The following DUS1L variants were observed in gnomAD, a reference collection of about 807,000 sequenced individuals.
DUS1L encodes the protein tRNA-dihydrouridine(16/17) synthase [NAD(P)(+)]-like.
DUS1L carries 56 observed loss-of-function variants against 61.2 expected under a neutral mutation model. That is an observed-to-expected ratio of 0.92 (90% CI 0.74 to 1.14). The LOEUF is 1.14. Ranked by LOEUF, DUS1L falls within the 50% of genes most tolerant of loss-of-function variation. The pLI is 0.00. For synonymous variants in DUS1L, 278 were observed against 259.5 expected (o/e 1.07, Z -0.69); for missense variants, 630 against 632.4 (o/e 1.00, Z 0.04).
chr17:82,063,270 G>A (rs1376213272), intron 4 of DUS1L, 198 bp downstream of exon 4: 3 of 716,250 alleles, frequency 4.2e-6, no homozygotes, highest in Non-Finnish European at 7.1e-6. Flanking sequence ...TGGTTTTAAG[G>A]GGTGGGTGGT....
At chr17:82,059,927 A>G in intron 11 of DUS1L, 21 bp downstream of exon 11, 1 of 1,613,754 alleles carries the variant, frequency 6.2e-7, no homozygotes, top group Non-Finnish European at 8.5e-7. Context: ...TCTCGGGCCC[A>G]TCAGCGGAAG....
At chr17:82,060,393 T>C (rs534487030) in intron 10 of DUS1L, 159 of 578,676 alleles carry the variant, frequency 2.7e-4, no homozygotes, top group African/African-American at 2.5e-3. Flanking sequence ...GTCAACCTCT[T>C]GACCCACGGG....
At chr17:82,059,136 C>T in intron 11 of DUS1L, 1 of 397,978 alleles carries the variant, frequency 2.5e-6, no homozygotes, top group East Asian at 4.4e-5. Flanking sequence ...TTTTCCTGCC[C>T]ACAGGGTCCA....
chr17:82,064,790 AC>A (rs1437729701), intron 2 of DUS1L, 32 bp downstream of exon 2: 3 of 1,577,648 alleles, frequency 1.9e-6, no homozygotes, highest in African/African-American at 1.4e-5. Flanking sequence ...CGGGAACCCA[AC>A]CGCGGCCGCG....
rs947043781 is a variant in DUS1L, at chr17:82,058,107, G to A, written c.*8C>T. On this transcript the variant is annotated 3_prime_UTR_variant, in exon 14 of 14. Transcript: ENST00000306796. The stretch of plus-strand genomic sequence containing the variant: ...AGCAGCAGTCCTGGGGGTGGGGGTT[G>A]TGGGCCTTCAGGCCAGGGCACTGCC... 6.5e-6 allele frequency: 10 copies of A among 1,536,924 alleles called. No individual in the cohort carries two copies. Among genetic ancestry groups the A allele is most frequent in the Middle Eastern group, 1.9e-4 (1 of 5,234 alleles).
rs1373430962 is a variant in DUS1L, at chr17:82,064,207, C to G, written c.265G>C (p.Val89Leu). Residue 89 changes from valine (V) to leucine (L), a missense_variant, in exon 3 of 14, where the codon GTT (valine) becomes CTT (leucine). By Grantham distance (32) the Val-to-Leu change is conservative. Coordinates refer to ENST00000306796, the MANE Select transcript of DUS1L (RefSeq NM_022156.5). The stretch of plus-strand genomic sequence containing the variant: ...TCCTGAGCCAGGAGAGCCGCCTGAA[C>G]AAACACCTCCGGGTCATTGGCACAG... ...QFCANDPEVF[V>L]QAALLAQDYC... is the part of the protein sequence containing the mutation. 2.5e-6 allele frequency: 4 copies of G among 1,612,360 alleles called. No homozygotes were observed. The highest frequency in any genetic ancestry group is 3.4e-6 in the Non-Finnish European group (4 of 1,179,800).
Position 82,062,874 on chromosome 17 carries a change from T to C in DUS1L, c.497A>G (p.Lys166Arg). ...CCCAGGGCTCACCTGGCAGCCGGCC[T>C]TCTCCAGCATCTGGGCGTACCTCAC... ...KTVRYAQMLE[K>R]AGCQLLTVHG... The change falls in exon 5 of 14, where the codon AAG becomes AGG. Residue 166 changes from lysine (K) to arginine (R), a missense_variant. Transcript: ENST00000306796. The C allele has an allele frequency of 6.2e-7, 1 of 1,612,704 alleles. No homozygotes were observed. Among genetic ancestry groups the C allele is most frequent in the Non-Finnish European group, 8.5e-7 (1 of 1,179,886 alleles).
At position 82,058,224 on chromosome 17, in the gene DUS1L, T is replaced by C; in HGVS notation, c.1313A>G (p.Glu438Gly). Residue 438 changes from glutamate (E) to glycine (G), a missense_variant, in exon 14 of 14, where the codon GAG becomes GGG. Glu to Gly is a moderately conservative substitution (Grantham distance 98, BLOSUM62 -2). Transcript: ENST00000306796. ...GGCCTCTTTCCAGGCCAGAGACTTC[T>C]CCAATTTGGTTTTAAAAAGCAATCC... ...GHGLLFKTKL[E>G]KSLAWKEAQP... 1.3e-6 allele frequency: 2 copies of C among 1,588,554 alleles called. No homozygotes were observed. The highest frequency in any genetic ancestry group is 1.7e-6 in the Non-Finnish European group (2 of 1,162,356).
chr17:82,064,754 G>A (rs544139625), intron 2 of DUS1L, 69 bp downstream of exon 2: 90 of 1,439,308 alleles, frequency 6.3e-5, no homozygotes, highest in South Asian at 3.0e-4. Flanking sequence ...ACAGAGAGAA[G>A]GGTTTTTCCC....
rs779423835 is a variant in DUS1L at position 82,058,604 on chromosome 17, G to T, written c.1206+177C>A. The T allele has an allele frequency of 6.8e-6, 10 of 1,476,448 alleles. No homozygotes were observed. In the Admixed American group the frequency reaches 2.4e-4, roughly 35 times the overall value. 91.5% of individuals were successfully genotyped at this position (1,476,448 alleles called of 1,614,324 possible). A position where few individuals can be genotyped will look rare whatever the true frequency, so the allele number is the denominator to read the frequency against. On this transcript the variant is annotated intron_variant, in intron 12 of 13. Transcript: ENST00000306796. ...CCACCCAGACTCTCTTCCCCTCCAG[G>T]CCTGGGCAGGGGCTTGGCTGGAAGC...
At position 82,059,671 on chromosome 17, in the gene DUS1L, T is replaced by C. The variant is rs2033362256; in HGVS notation, c.1168+277A>G. The stretch of plus-strand genomic sequence containing the variant: ...GGGCAGCCGCAGGGACCCGAGGCCC[T>C]GAGCTGTAGACGAGCTTCACCTGGC... On this transcript the variant is annotated intron_variant, in intron 11 of 13. Coordinates refer to ENST00000306796, the MANE Select transcript of DUS1L (RefSeq NM_022156.5). 11 of 480,612 alleles carry C rather than the reference T, an allele frequency of 2.3e-5. No individual in the cohort carries two copies. In the East Asian group the frequency reaches 3.4e-4, roughly 15 times the overall value. The allele number at this position is 480,612 out of a possible 1,614,324, so 29.8% of individuals were successfully genotyped here. A position where few individuals can be genotyped will look rare whatever the true frequency, so the allele number is the denominator to read the frequency against.
chr17:82,062,525 C>G (rs2033557920), intron 5 of DUS1L, among the ~76,000 whole-genome samples: 1 of 152,258 alleles, frequency 6.6e-6, no homozygotes. Context: ...CTGCTGACAG[C>G]CTGGTGGCCC....
rs1471814331 is a variant in DUS1L, at chr17:82,060,003, G to A, written c.1113C>T (p.Asn371=). 2 of 1,613,858 alleles carry A rather than the reference G, an allele frequency of 1.2e-6. No homozygotes were observed. The highest frequency in any genetic ancestry group is 1.3e-5 in the African/African-American group (1 of 74,912). The change falls in exon 11 of 14, where the codon AAC becomes AAT. Residue 371 remains asparagine, a synonymous_variant. Coordinates refer to ENST00000306796, the MANE Select transcript of DUS1L (RefSeq NM_022156.5). ...GGTTCCTCAGCTGCTTCTTTTGCTTGTTCTTGGACAGGACCTCCGTGCCAC... is the reference window on the plus strand; with the variant it reads ...GGTTCCTCAGCTGCTTCTTTTGCTTATTCTTGGACAGGACCTCCGTGCCAC... ...EEGGTEVLSK[N]KQKKQLRNPH... is the part of the protein sequence containing the mutation.
At chr17:82,064,802 G>C (rs1240511533) in intron 2 of DUS1L, 21 bp downstream of exon 2, 3 of 1,590,654 alleles carry the variant, frequency 1.9e-6, no homozygotes, top group Admixed American at 3.5e-5. Context: ...CGCGGCCGCG[G>C]CCACAGCCCC....
rs1347095807 is a variant in DUS1L, at chr17:82,063,497, T to C, written c.368A>G (p.Gln123Arg). The change falls in exon 4 of 14, where the codon CAG becomes CGG. Residue 123 changes from glutamine (Q) to arginine (R), a missense_variant. By Grantham distance (43) the Gln-to-Arg change is conservative. Transcript: ENST00000306796. Reference sequence around the variant, plus strand: ...TCTTTGGAGCAGGTCCCACTCGTCCTGCAGAAAGGCGCCATAGTGACCTGC... The same window carrying C: ...TCTTTGGAGCAGGTCCCACTCGTCCCGCAGAAAGGCGCCATAGTGACCTGC... The part of the protein sequence containing the change: ...AKRGHYGAFL[Q>R]DEWDLLQRMI... 1 of 1,613,592 alleles carries C rather than the reference T, an allele frequency of 6.2e-7. No individual in the cohort carries two copies. The highest frequency in any genetic ancestry group is 8.5e-7 in the Non-Finnish European group (1 of 1,179,994).
At chr17:82,060,664 G>A (rs760250715) in intron 10 of DUS1L, 37 bp downstream of exon 10, 6 of 1,602,230 alleles carry the variant, frequency 3.7e-6, no homozygotes, top group East Asian at 2.3e-5. Flanking sequence ...CCCACACCTT[G>A]GTGCACATCC....
chr17:82,065,495 C>T (rs897483340), intron 1 of DUS1L, 118 bp downstream of exon 1: 8 of 162,924 alleles, frequency 4.9e-5, no homozygotes, highest in African/African-American at 1.2e-4. Context: ...CCCGGCCAGG[C>T]GGCCCGGCTG....
chr17:82,060,218 T>C (rs1598551826), intron 10 of DUS1L, 125 bp from the exon 11 acceptor site: 1 of 1,290,140 alleles, frequency 7.8e-7, no homozygotes, highest in East Asian at 2.5e-5. Context: ...CTGTGAGGAG[T>C]GCCCTCCTTT....
chr17:82,065,225 C>T (rs1438757576), intron 1 of DUS1L, 156 bp from the exon 2 acceptor site: 1 of 638,696 alleles, frequency 1.6e-6, no homozygotes, highest in Non-Finnish European at 2.6e-6. Context: ...GGCTGGAGAA[C>T]GGCCACTCCA....
Sources: gnomAD v4.1 joint callset for allele counts (sites outside exome capture counted in the v4.1 genomes callset) on GRCh38, gnomAD v4.1.1 for gene constraint, MANE v1.5 for transcripts, NCBI Gene and HGNC (gene_info 2026-07-23, HGNC 2026-07-21) for gene names.